The following AXDND1 variants were observed in gnomAD, a reference collection of about 807,000 sequenced individuals.
The protein encoded by AXDND1 is axonemal dynein light chain domain-containing protein 1.
AXDND1 carries 110 observed loss-of-function variants against 137.5 expected under a neutral mutation model. That is an observed-to-expected ratio of 0.80 (90% CI 0.69 to 0.94). The LOEUF (loss-of-function observed/expected upper bound fraction) is 0.94. Ranked by LOEUF, AXDND1 falls within the 40% of genes least tolerant of loss-of-function variation. AXDND1 has a pLI of 0.00. For missense variants in AXDND1, 1,191 were observed against 1,169.8 expected, an observed-to-expected ratio of 1.02 and a Z score of -0.26; for synonymous variants, 414 against 399.7, an observed-to-expected ratio of 1.04 and a Z score of -0.43.
chr1:179,508,849 AAT>A (rs1285124734), intron 20 of AXDND1, among the ~76,000 whole-genome samples: 4 of 152,192 alleles, frequency 2.6e-5, no homozygotes, highest in African/African-American at 9.7e-5. Context: ...TGAGGATAAT[AAT>A]AGTTAATGTC....
intron 21 of AXDND1, among the ~76,000 whole-genome samples, chr1:179,511,299 A>G (rs902639929): frequency 3.3e-5 from 5 of 151,226 alleles, no homozygotes; most frequent in African/African-American, 1.2e-4. Context: ...ATATATATAT[A>G]TATTCCAATC....
intron 21 of AXDND1, among the ~76,000 whole-genome samples, chr1:179,511,867 A>G (rs1221843138): frequency 1.3e-5 from 2 of 151,756 alleles, no homozygotes; most frequent in Non-Finnish European, 2.9e-5. Flanking sequence ...TCTTCTTTTG[A>G]TAATTGTCTA....
intron 16 of AXDND1, among the ~76,000 whole-genome samples, chr1:179,447,148 CA>C (rs975412522): frequency 2.0e-5 from 3 of 152,110 alleles, no homozygotes; most frequent in African/African-American, 7.2e-5. Context: ...CTATTGAATA[CA>C]GGGGTATATT....
At chr1:179,544,308 A>G (rs1672440363) in intron 25 of AXDND1, 1 of 152,220 alleles carries the variant, frequency 6.6e-6, no homozygotes, top group Admixed American at 6.5e-5. Flanking sequence ...TCGAGAAAAT[A>G]ATGCTTTTTG....
At chr1:179,511,434 A>G (rs1433180909) in intron 21 of AXDND1, among the ~76,000 whole-genome samples, 1 of 150,106 alleles carries the variant, frequency 6.7e-6, no homozygotes, top group East Asian at 2.0e-4. Context: ...ATATGTATAT[A>G]CACCACAGAT....
chr1:179,374,077 C>T (rs1485942941), intron 4 of AXDND1, among the ~76,000 whole-genome samples: 1 of 152,086 alleles, frequency 6.6e-6, no homozygotes, highest in Non-Finnish European at 1.5e-5. Flanking sequence ...GCAATCTACC[C>T]ATCTGACAAA....
At chr1:179,543,011 G>C (rs561941455) in intron 25 of AXDND1, among the ~76,000 whole-genome samples, 4 of 152,246 alleles carry the variant, frequency 2.6e-5, no homozygotes, top group African/African-American at 9.6e-5. Flanking sequence ...TCCATCCTTA[G>C]AGTTAGCAGG....
At chr1:179,430,808 C>T (rs1412506037) in intron 14 of AXDND1, among the ~76,000 whole-genome samples, 6 of 152,188 alleles carry the variant, frequency 3.9e-5, no homozygotes, top group African/African-American at 9.6e-5. Context: ...TAGTCCATCC[C>T]GATCCCCCTG....
At chr1:179,391,612 C>T (rs1457729345) in intron 9 of AXDND1, among the ~76,000 whole-genome samples, 19 of 152,138 alleles carry the variant, frequency 1.2e-4, no homozygotes, top group Non-Finnish European at 2.6e-4. Flanking sequence ...TCTCAGCTCA[C>T]TGCCACCTCC....
intron 25 of AXDND1, chr1:179,550,875 C>A (rs1205493701): frequency 4.7e-6 from 2 of 424,738 alleles, no homozygotes; most frequent in East Asian, 5.0e-5. Context: ...ACCAAGTTCC[C>A]AGAAGTCAAA....
At chr1:179,419,642 GGA>G (rs1360252969) in intron 12 of AXDND1, among the ~76,000 whole-genome samples, 2 of 92,632 alleles carry the variant, frequency 2.2e-5, no homozygotes, top group Non-Finnish European at 5.1e-5. Context: ...AGAGGGAGAG[GGA>G]GAGGGGGAGG....
chr1:179,536,085 T>C (rs111395285), intron 25 of AXDND1, among the ~76,000 whole-genome samples: 4,596 of 152,344 alleles, frequency 0.03, 218 homozygotes, highest in African/African-American at 0.1. Context: ...TTTTTTCTTG[T>C]AAATTTGTTG....
intron 9 of AXDND1, among the ~76,000 whole-genome samples, chr1:179,392,062 A>G: frequency 1.3e-5 from 2 of 152,126 alleles, no homozygotes; most frequent in East Asian, 3.9e-4. Flanking sequence ...ATGGACTAAT[A>G]TAACCCATCA....
At position 179,486,139 on chromosome 1, in the gene AXDND1, A is replaced by AAAAAAAAAAAAAAAAAAAACAAAAAACT. The variant is rs149119239; in HGVS notation, c.2091+2920_2091+2921insAAAAAAAAAAAAAAAAACAAAAAACTAA. ...TGTCTCAAAAAAAAAAAAAAAAAAAAAACCTGATAGAAATGAAAAACACAC... is the reference window on the plus strand; with the variant it reads ...TGTCTCAAAAAAAAAAAAAAAAAAAAAAAAAAAAAAAAAAAAAAACAAAAAACTAACCTGATAGAAATGAAAAACACAC... On this transcript the variant is annotated intron_variant, in intron 18 of 25. Coordinates refer to ENST00000367618, the MANE Select transcript of AXDND1 (RefSeq NM_144696.6). 3.4e-3 allele frequency among the ~76,000 whole-genome samples: 298 copies of AAAAAAAAAAAAAAAAAAAACAAAAAACT among 87,696 alleles called. 39 individuals carry two copies. The highest frequency in any genetic ancestry group is 8.2e-3 in the Middle Eastern group (1 of 122). The allele number at this position is 87,696 out of a possible 152,430, so 57.5% of individuals were successfully genotyped here.
At chr1:179,449,103 C>T in intron 16 of AXDND1, 1 of 451,576 alleles carries the variant, frequency 2.2e-6, no homozygotes, top group Non-Finnish European at 4.4e-6. Context: ...ACAGGCTGGT[C>T]TCAAACTTCT....
At chr1:179,532,028 T>C (rs916230096) in intron 23 of AXDND1, among the ~76,000 whole-genome samples, 2 of 152,314 alleles carry the variant, frequency 1.3e-5, no homozygotes, top group East Asian at 3.9e-4. Context: ...CATCAGTATA[T>C]GGTTGATGCA....
chr1:179,446,894 CATA>C (rs909769646), intron 16 of AXDND1, among the ~76,000 whole-genome samples: 7 of 137,612 alleles, frequency 5.1e-5, no homozygotes, highest in African/African-American at 1.6e-4. Flanking sequence ...AAAAATTAAA[CATA>C]ATAATCTCTC....
intron 21 of AXDND1, among the ~76,000 whole-genome samples, chr1:179,511,630 A>T (rs941850493): frequency 6.6e-6 from 1 of 152,062 alleles, no homozygotes; most frequent in African/African-American, 2.4e-5. Flanking sequence ...TCTTTAAGGA[A>T]TCTCCACACT....
At chr1:179,398,619 G>A (rs1440746183) in intron 11 of AXDND1, among the ~76,000 whole-genome samples, 2 of 151,958 alleles carry the variant, frequency 1.3e-5, no homozygotes, top group African/African-American at 4.8e-5. Context: ...TGGCAACTGT[G>A]TGCACAGTTG....
Sources: allele counts gnomAD v4.1 joint callset (sites outside exome capture counted in the v4.1 genomes callset), GRCh38; gene constraint gnomAD v4.1.1; transcripts MANE v1.5; gene names NCBI Gene and HGNC (gene_info 2026-07-23, HGNC 2026-07-21).